The following LRP12 variants were observed in gnomAD, a reference collection of about 807,000 sequenced individuals.
The protein encoded by LRP12 is low-density lipoprotein receptor-related protein 12.
LRP12 carries 14 observed loss-of-function variants against 66.0 expected under a neutral mutation model. That is an observed-to-expected ratio of 0.21 (90% CI 0.14 to 0.33). The LOEUF is 0.33. LRP12 is among the 10% of genes least tolerant of loss of function. The pLI, the probability that LRP12 is intolerant of heterozygous loss-of-function variation, is 1.00. For synonymous variants in LRP12, 357 were observed against 359.1 expected (o/e 0.99, Z 0.07); for missense variants, 889 against 1,053.4 (o/e 0.84, Z 2.16).
intron 1 of LRP12, among the ~76,000 whole-genome samples, chr8:104,548,076 C>A (rs1244406666): frequency 9.0e-6 from 1 of 110,686 alleles, no homozygotes; most frequent in Non-Finnish European, 1.7e-5. Flanking sequence ...ATATATAATT[C>A]TGTTATATTA....
intron 1 of LRP12, among the ~76,000 whole-genome samples, chr8:104,547,912 T>TATTAC (rs1223564366): frequency 7.7e-6 from 1 of 129,058 alleles, no homozygotes; most frequent in African/African-American, 2.9e-5. Context: ...AATTCTGTTA[T>TATTAC]ATTTTGTATA....
chr8:104,575,126 T>C (rs2140896853), intron 1 of LRP12, among the ~76,000 whole-genome samples: 1 of 152,264 alleles, frequency 6.6e-6, no homozygotes, highest in African/African-American at 2.4e-5. Flanking sequence ...ATGACCAAGA[T>C]GAGGCAGAAA....
intron 1 of LRP12, among the ~76,000 whole-genome samples, chr8:104,560,699 C>T (rs1353105590): frequency 6.6e-6 from 1 of 152,182 alleles, no homozygotes; most frequent in East Asian, 1.9e-4. Context: ...TATAATGCTA[C>T]TACTTAAAAT....
intron 3 of LRP12, among the ~76,000 whole-genome samples, chr8:104,500,305 C>T (rs1810805624): frequency 6.6e-6 from 1 of 152,160 alleles, no homozygotes; most frequent in East Asian, 1.9e-4. Context: ...AAGTTAATTA[C>T]CCAAGGATTA....
At chr8:104,539,525 T>C (rs1293103503) in intron 1 of LRP12, among the ~76,000 whole-genome samples, 2 of 152,060 alleles carry the variant, frequency 1.3e-5, no homozygotes, top group Non-Finnish European at 2.9e-5. Context: ...TAGCATATTA[T>C]ACAACACACA....
intron 1 of LRP12, among the ~76,000 whole-genome samples, chr8:104,568,102 TGAGAGGTAAA>T (rs1812032005): frequency 6.6e-6 from 1 of 152,190 alleles, no homozygotes; most frequent in African/African-American, 2.4e-5. Flanking sequence ...AATACAGATC[TGAGAGGTAAA>T]CTCTCATTAA....
intron 1 of LRP12, among the ~76,000 whole-genome samples, chr8:104,568,477 T>C (rs1812036589): frequency 6.6e-6 from 1 of 151,872 alleles, no homozygotes; most frequent in Admixed American, 6.6e-5. Flanking sequence ...ATTAAGAAAG[T>C]AAAAGAACAA....
intron 2 of LRP12, among the ~76,000 whole-genome samples, chr8:104,530,108 A>G (rs920179921): frequency 5.9e-5 from 9 of 152,184 alleles, no homozygotes; most frequent in African/African-American, 2.2e-4. Context: ...ACCATACTAC[A>G]TATTGATGTA....
intron 1 of LRP12, among the ~76,000 whole-genome samples, chr8:104,557,386 A>T (rs532251147): frequency 6.6e-6 from 1 of 152,272 alleles, no homozygotes; most frequent in South Asian, 2.1e-4. Flanking sequence ...AACCCTAAAA[A>T]TTCATCCCGA....
At chr8:104,582,929 C>G (rs556682533) in intron 1 of LRP12, among the ~76,000 whole-genome samples, 1 of 152,072 alleles carries the variant, frequency 6.6e-6, no homozygotes, top group African/African-American at 2.4e-5. Context: ...TAATGTCCAC[C>G]TTCCCACCCC....
At chr8:104,528,254 G>C (rs1009660339) in intron 2 of LRP12, among the ~76,000 whole-genome samples, 1 of 152,106 alleles carries the variant, frequency 6.6e-6, no homozygotes, top group Non-Finnish European at 1.5e-5. Context: ...AAAGAGCAGG[G>C]GAAGAGCAGA....
In LRP12 at chr8:104,491,934, G is replaced by A. The variant is rs79334400; in HGVS notation, c.1714-395C>T. 1.4e-3 allele frequency among the ~76,000 whole-genome samples: 218 copies of A among 150,890 alleles called. 1 individual carries two copies. Among genetic ancestry groups the A allele is most frequent in the African/African-American group, 5.1e-3 (209 of 41,330 alleles). Reference sequence around the variant, plus strand: ...ATAGGAGAATCTCTACATAATTGACGAAGTGACCAAAATGAGTTTGTGAAA... The same window carrying A: ...ATAGGAGAATCTCTACATAATTGACAAAGTGACCAAAATGAGTTTGTGAAA... On this transcript the variant is annotated intron_variant, in intron 6 of 6. Transcript: ENST00000276654.
At chr8:104,577,474 T>C (rs1421627936) in intron 1 of LRP12, among the ~76,000 whole-genome samples, 1 of 152,226 alleles carries the variant, frequency 6.6e-6, no homozygotes, top group East Asian at 1.9e-4. Context: ...TGCTCCTGAA[T>C]GACTTTTGGG....
chr8:104,509,913 G>A lies in LRP12; in HGVS notation c.137-839C>T, dbSNP rs182887592. Among the ~76,000 whole-genome samples the A allele has an allele frequency of 1.3e-3, 191 of 152,258 alleles. 1 individual carries two copies. Among genetic ancestry groups the A allele is most frequent in the Admixed American group, 0.01 (157 of 15,286 alleles). On this transcript the variant is annotated intron_variant, in intron 2 of 6. Transcript: ENST00000276654. Reference sequence around the variant, plus strand: ...TCAGGTTTGGTACTCTGCAGTTTCAGGCATTCACTGAGGGTCTTGAAGGTA... The same window carrying A: ...TCAGGTTTGGTACTCTGCAGTTTCAAGCATTCACTGAGGGTCTTGAAGGTA...
At chr8:104,582,432 A>T (rs549678392) in intron 1 of LRP12, among the ~76,000 whole-genome samples, 2 of 152,312 alleles carry the variant, frequency 1.3e-5, no homozygotes, top group South Asian at 4.2e-4. Context: ...GAAATTCACC[A>T]ATCTTTTAAT....
intron 2 of LRP12, among the ~76,000 whole-genome samples, chr8:104,514,458 C>A (rs966368788): frequency 6.6e-6 from 1 of 151,468 alleles, no homozygotes; most frequent in African/African-American, 2.4e-5. Context: ...CATGTAATCC[C>A]AGCACTTTGG....
chr8:104,584,543 C>G (rs1008865551), intron 1 of LRP12, among the ~76,000 whole-genome samples: 1 of 152,054 alleles, frequency 6.6e-6, no homozygotes, highest in Non-Finnish European at 1.5e-5. Context: ...CTTTTATGTT[C>G]TTCAAAAGAA....
At chr8:104,554,811 G>C (rs183876684) in intron 1 of LRP12, among the ~76,000 whole-genome samples, 115 of 152,194 alleles carry the variant, frequency 7.6e-4, no homozygotes, top group African/African-American at 2.6e-3. Flanking sequence ...TCATCACCTA[G>C]GCACACAGTC....
chr8:104,508,876 T>A, intron 3 of LRP12, 63 bp downstream of exon 3: 3 of 1,430,062 alleles, frequency 2.1e-6, no homozygotes, highest in Non-Finnish European at 2.9e-6. Flanking sequence ...TAAGTAATAA[T>A]AAATGAAAAT....
Sources: gnomAD v4.1 joint callset for allele counts (sites outside exome capture counted in the v4.1 genomes callset) on GRCh38, gnomAD v4.1.1 for gene constraint, MANE v1.5 for transcripts, NCBI Gene and HGNC (gene_info 2026-07-23, HGNC 2026-07-21) for gene names.